The following HS1BP3 variants were observed in gnomAD, a reference collection of about 807,000 sequenced individuals.
The protein encoded by HS1BP3 is HCLS1-binding protein 3.
A neutral mutation model predicts 33.5 loss-of-function variants in HS1BP3; 32 were observed. That is an observed-to-expected ratio of 0.95 (90% confidence interval 0.72 to 1.28). The LOEUF is 1.28. Ranked by LOEUF, HS1BP3 falls within the 50% of genes most tolerant of loss-of-function variation. The probability of loss-of-function intolerance (pLI) is 0.00; values close to 1 mark genes in which losing one functional copy is unlikely to be tolerated. For missense variants in HS1BP3, 486 were observed against 502.3 expected (o/e 0.97, Z 0.31); for synonymous variants, 187 against 209.2 (o/e 0.89, Z 0.92).
chr2:20,599,178 G>A (rs1389981527), intron 2 of HS1BP3, among the ~76,000 whole-genome samples: 1 of 152,272 alleles, frequency 6.6e-6, no homozygotes, highest in Non-Finnish European at 1.5e-5. Context: ...AGTAGCTGGG[G>A]CTGTTGGGAT....
chr2:20,591,745 G>A (rs1405541379), downstream of HS1BP3, among the ~76,000 whole-genome samples: 4 of 152,120 alleles, frequency 2.6e-5, no homozygotes, highest in Non-Finnish European at 5.9e-5. Context: ...TGTATTTTTA[G>A]TAGAGACGTG....
At chr2:20,641,212 T>A (rs760751888) in intron 2 of HS1BP3, 32 bp from the exon 3 acceptor site, 1 of 1,578,632 alleles carries the variant, frequency 6.3e-7, no homozygotes, top group South Asian at 1.1e-5. Context: ...GTTTCCTGAG[T>A]GAAGAGTGGC....
chr2:20,555,500 G>A (rs1692814876), downstream of HS1BP3, among the ~76,000 whole-genome samples: 1 of 152,168 alleles, frequency 6.6e-6, no homozygotes, highest in Non-Finnish European at 1.5e-5. Flanking sequence ...TCACTATAGG[G>A]GTACCCACAT....
At chr2:20,599,005 G>A (rs1694010482) in intron 2 of HS1BP3, among the ~76,000 whole-genome samples, 1 of 152,234 alleles carries the variant, frequency 6.6e-6, no homozygotes, top group Non-Finnish European at 1.5e-5. Flanking sequence ...GGAGGGCAGT[G>A]GGGAGTGGGG....
chr2:20,607,886 T>C (rs1694232587), intron 2 of HS1BP3, among the ~76,000 whole-genome samples: 1 of 152,220 alleles, frequency 6.6e-6, no homozygotes, highest in African/African-American at 2.4e-5. Flanking sequence ...TCAATGAACA[T>C]GGAATGTCTT....
At chr2:20,622,175 T>C in intron 6 of HS1BP3, 1 of 1,283,332 alleles carries the variant, frequency 7.8e-7, no homozygotes, top group African/African-American at 1.5e-5. Context: ...GGTGAAAGCA[T>C]GAATGAATGA....
rs1186011960 is a variant in HS1BP3, at chr2:20,608,222, CT to C, written c.179-9958del. ...CCTGCTTATTTTACTATCTAGATGTCTTTTTTTTTTCTTGCCTAGTTTCTCT... is the reference window on the plus strand; with the variant it reads ...CCTGCTTATTTTACTATCTAGATGTCTTTTTTTTTCTTGCCTAGTTTCTCT... On this transcript the variant is annotated intron_variant, in intron 2 of 3. Coordinates refer to the HS1BP3 transcript ENST00000415264. Among the ~76,000 whole-genome samples the C allele has an allele frequency of 1.4e-4, 21 of 149,740 alleles. No individual in the cohort carries two copies. In the South Asian group the frequency reaches 1.9e-3, roughly 14 times the overall value.
chr2:20,638,886 G>A (rs1175288892), intron 3 of HS1BP3, among the ~76,000 whole-genome samples: 2 of 152,210 alleles, frequency 1.3e-5, no homozygotes, highest in African/African-American at 2.4e-5. Flanking sequence ...AAGGGCTGAC[G>A]GGCACCAAGG....
chr2:20,565,780 G>A (rs894819918), intron 5 of HS1BP3, among the ~76,000 whole-genome samples: 21 of 152,350 alleles, frequency 1.4e-4, no homozygotes, highest in African/African-American at 4.6e-4. Context: ...GCAGGGTTTT[G>A]TCACTCCTCT....
At chr2:20,569,732 G>A (rs1451221025) in intron 5 of HS1BP3, among the ~76,000 whole-genome samples, 1 of 152,190 alleles carries the variant, frequency 6.6e-6, no homozygotes, top group Non-Finnish European at 1.5e-5. Context: ...ATTGGCCTGT[G>A]CCCTTGGAGT....
intron 2 of HS1BP3, among the ~76,000 whole-genome samples, chr2:20,600,485 G>A (rs1005249092): frequency 6.6e-6 from 1 of 152,180 alleles, no homozygotes. Context: ...CAGCCACAAA[G>A]TCACCCTGGG....
At chr2:20,631,188 A>T (rs12998196) in intron 4 of HS1BP3, among the ~76,000 whole-genome samples, 77,954 of 151,768 alleles carry the variant, frequency 0.51, 21,044 homozygotes, top group Non-Finnish European at 0.62. Flanking sequence ...TATGCTTTCT[A>T]CTCAGCAGAC....
chr2:20,646,457 C>T (rs958136965), intron 1 of HS1BP3, among the ~76,000 whole-genome samples: 10 of 152,254 alleles, frequency 6.6e-5, no homozygotes, highest in African/African-American at 2.4e-4. Flanking sequence ...CCCACACGGA[C>T]CCCTCACATC....
intron 3 of HS1BP3, 156 bp downstream of exon 3, chr2:20,640,817 C>T: frequency 1.4e-6 from 1 of 710,878 alleles, no homozygotes; most frequent in South Asian, 1.7e-5. Context: ...GCCCACCATC[C>T]AGCCAAGGAT....
intron 5 of HS1BP3, among the ~76,000 whole-genome samples, chr2:20,582,491 G>A (rs1480497514): frequency 4.6e-5 from 7 of 152,138 alleles, no homozygotes; most frequent in Admixed American, 3.9e-4. Flanking sequence ...AGAGTGCCCT[G>A]CAGATGTCTG....
At chr2:20,589,647 G>A (rs1404838119), downstream of HS1BP3, among the ~76,000 whole-genome samples, 1 of 152,206 alleles carries the variant, frequency 6.6e-6, no homozygotes, top group Non-Finnish European at 1.5e-5. Flanking sequence ...CCAAGTTCTA[G>A]GGTGATAAGC....
At position 20,624,845 on chromosome 2, in the gene HS1BP3, G is replaced by A. The variant is rs144429298; in HGVS notation, c.671C>T (p.Pro224Leu). The A allele has an allele frequency of 1.8e-3, 2,926 of 1,613,834 alleles. 6 individuals are homozygous for A. The highest frequency in any genetic ancestry group is 2.4e-3 in the Non-Finnish European group (2,800 of 1,179,966). The part of the protein sequence containing the change: ...KHPKVAVKAK[P>L]SPRLTIFDEE... ...GTCAAAGATGGTGAGCCGGGGCGAG[G>A]GCTTGGCTTTCACGGCCACTTTGGG... Residue 224 changes from proline to leucine, a missense_variant, in exon 5 of 7, where the codon CCC (proline) becomes CTC (leucine). Physicochemically the swap from Pro to Leu is moderately conservative, Grantham distance 98. Transcript: ENST00000304031.
chr2:20,561,865 T>A (rs1316844151), intron 5 of HS1BP3, among the ~76,000 whole-genome samples: 1 of 152,174 alleles, frequency 6.6e-6, no homozygotes, highest in Admixed American at 6.5e-5. Context: ...GAGGGCTGAT[T>A]ACCAGAAAGA....
At chr2:20,563,561 T>C (rs1295040255) in intron 5 of HS1BP3, among the ~76,000 whole-genome samples, 1 of 152,142 alleles carries the variant, frequency 6.6e-6, no homozygotes. Flanking sequence ...TGGTCCACCA[T>C]GGTGGAGCTG....
Sources: gnomAD v4.1 joint callset for allele counts (sites outside exome capture counted in the v4.1 genomes callset) on GRCh38, gnomAD v4.1.1 for gene constraint, MANE v1.5 for transcripts, NCBI Gene and HGNC (gene_info 2026-07-23, HGNC 2026-07-21) for gene names.